ATP2C2: variants seen among roughly 807,000 people sequenced by gnomAD.
The protein encoded by ATP2C2 is calcium-transporting ATPase type 2C member 2.
Under a neutral mutation model 110.8 loss-of-function variants are expected in ATP2C2, and 171 were observed. The observed-to-expected ratio is 1.54, with a 90% CI of 1.36 to 1.75. The LOEUF is 1.75. ATP2C2 is among the 40% of genes most tolerant of loss of function. The probability of loss-of-function intolerance (pLI) is 0.00; values close to 1 mark genes in which losing one functional copy is unlikely to be tolerated. For synonymous variants in ATP2C2, 804 were observed against 508.4 expected (o/e 1.58, Z -7.82); for missense variants, 1,963 against 1,235.0 (o/e 1.59, Z -8.84).
intron 21 of ATP2C2, among the ~76,000 whole-genome samples, chr16:84,458,603 G>T (rs1464794442): frequency 6.6e-6 from 1 of 152,098 alleles, no homozygotes; most frequent in African/African-American, 2.4e-5. Context: ...GTGCGTAATT[G>T]TTTTTCTACA....
chr16:84,434,175 T>C (rs1908536094), intron 11 of ATP2C2, among the ~76,000 whole-genome samples: 1 of 152,046 alleles, frequency 6.6e-6, no homozygotes, highest in Admixed American at 6.5e-5. Flanking sequence ...CCCAGCACTT[T>C]GGGAGGCCGA....
intron 1 of ATP2C2, among the ~76,000 whole-genome samples, chr16:84,380,890 A>T (rs1479286412): frequency 6.6e-6 from 1 of 152,202 alleles, no homozygotes; most frequent in South Asian, 2.1e-4. Flanking sequence ...TTATTATTAT[A>T]CAACTACAGG....
chr16:84,431,315 G>A (rs1908256309), intron 11 of ATP2C2, among the ~76,000 whole-genome samples: 1 of 152,056 alleles, frequency 6.6e-6, no homozygotes, highest in Non-Finnish European at 1.5e-5. Flanking sequence ...CCTGGCCAAT[G>A]TGGTGTTGCA....
intron 14 of ATP2C2, among the ~76,000 whole-genome samples, chr16:84,441,646 C>T (rs752448351): frequency 6.6e-6 from 1 of 152,194 alleles, no homozygotes; most frequent in Non-Finnish European, 1.5e-5. Context: ...TATGACCAGG[C>T]GTGGTGGCTC....
chr16:84,397,512 A>G lies in ATP2C2; in HGVS notation c.100-987A>G, dbSNP rs894482181. On this transcript the variant is annotated intron_variant, in intron 1 of 26. Transcript: ENST00000262429. ...CAACATAGGGAGACCCTGTCCCTACAAAATATTAAAAAATTAGCCAGGCAC... is the reference window on the plus strand; with the variant it reads ...CAACATAGGGAGACCCTGTCCCTACGAAATATTAAAAAATTAGCCAGGCAC... 2.6e-5 allele frequency among the ~76,000 whole-genome samples: 4 copies of G among 151,504 alleles called. No individual in the cohort carries two copies. The East Asian group carries it at 7.7e-4, about 29-fold the overall frequency.
At chr16:84,423,529 T>A (rs946984003) in intron 10 of ATP2C2, among the ~76,000 whole-genome samples, 7 of 152,228 alleles carry the variant, frequency 4.6e-5, no homozygotes. Flanking sequence ...TCCGTGGGTG[T>A]ATTCCTGGTC....
intron 20 of ATP2C2, among the ~76,000 whole-genome samples, chr16:84,454,106 G>A (rs1334581018): frequency 6.6e-6 from 1 of 152,166 alleles, no homozygotes; most frequent in Non-Finnish European, 1.5e-5. Flanking sequence ...CTCCCAAAGT[G>A]CTGGGTGCTT....
intron 2 of ATP2C2, 88 bp from the exon 3 acceptor site, chr16:84,405,040 C>T (rs757348523): frequency 6.3e-6 from 7 of 1,113,372 alleles, no homozygotes; most frequent in East Asian, 2.3e-5. Flanking sequence ...TCATGGAAGC[C>T]GCTGCCTTTC....
intron 7 of ATP2C2, among the ~76,000 whole-genome samples, chr16:84,418,745 G>T (rs76265602): frequency 2.6e-5 from 4 of 152,198 alleles, no homozygotes; most frequent in African/African-American, 9.7e-5. Flanking sequence ...GTGAGCAGCT[G>T]TTCAGACTCT....
At chr16:84,449,589 T>A (rs540794116) in intron 17 of ATP2C2, among the ~76,000 whole-genome samples, 1 of 152,286 alleles carries the variant, frequency 6.6e-6, no homozygotes, top group East Asian at 1.9e-4. Flanking sequence ...GCCTTGACTC[T>A]GTTTCGGTGG....
intron 13 of ATP2C2, among the ~76,000 whole-genome samples, chr16:84,439,937 C>T (rs988628556): frequency 2.0e-5 from 3 of 152,174 alleles, no homozygotes; most frequent in Non-Finnish European, 4.4e-5. Flanking sequence ...CGGGTTCAAG[C>T]GACTCTCCTG....
intron 7 of ATP2C2, among the ~76,000 whole-genome samples, chr16:84,421,850 G>C (rs1250282609): frequency 6.6e-6 from 1 of 152,214 alleles, no homozygotes; most frequent in African/African-American, 2.4e-5. Flanking sequence ...GCTAAGCCTT[G>C]TGGGGAGCTG....
chr16:84,462,292 C>T, intron 26 of ATP2C2, 163 bp downstream of exon 26: 2 of 890,710 alleles, frequency 2.2e-6, no homozygotes, highest in Non-Finnish European at 3.4e-6. Context: ...CAGGAAGGGA[C>T]TCTAACGTGG....
At chr16:84,394,022 A>G (rs953347441) in intron 1 of ATP2C2, among the ~76,000 whole-genome samples, 5 of 150,966 alleles carry the variant, frequency 3.3e-5, no homozygotes, top group Non-Finnish European at 5.9e-5. Flanking sequence ...AAAAAAATAA[A>G]AAATAAAAAG....
At chr16:84,423,338 G>C (rs770168440) in intron 10 of ATP2C2, 75 bp downstream of exon 10, 1 of 1,390,012 alleles carries the variant, frequency 7.2e-7, no homozygotes, top group Non-Finnish European at 1.0e-6. Flanking sequence ...TGCCATGGCC[G>C]TTTCTCAAAT....
At chr16:84,447,502 C>T (rs1056867683) in intron 16 of ATP2C2, among the ~76,000 whole-genome samples, 14 of 151,466 alleles carry the variant, frequency 9.2e-5, no homozygotes, top group South Asian at 4.1e-4. Flanking sequence ...AATATGCAAA[C>T]GACAACATCT....
intron 1 of ATP2C2, among the ~76,000 whole-genome samples, chr16:84,375,881 G>C (rs1045399225): frequency 6.6e-6 from 1 of 152,054 alleles, no homozygotes; most frequent in African/African-American, 2.4e-5. Flanking sequence ...GAAAAATAAA[G>C]AGGAAGTCTG....
chr16:84,450,775 G>C (rs1910185443), intron 17 of ATP2C2, among the ~76,000 whole-genome samples: 1 of 152,106 alleles, frequency 6.6e-6, no homozygotes, highest in Non-Finnish European at 1.5e-5. Context: ...CCCAGGGCAA[G>C]CTCACAGCAA....
chr16:84,454,829 G>T lies in ATP2C2; in HGVS notation c.1992G>T (p.Glu664Asp). The change falls in exon 21 of 27, where the codon GAG becomes GAT. Residue 664 changes from glutamate (E) to aspartate (D), a missense_variant. Transcript: ENST00000262429. ...HKLKIIKALQ[E>D]SGAIVAMTGD... Reference sequence around the variant, plus strand: ...TGCTCTTTCCAAAGGCTCTGCAGGAGTCAGGGGCGATCGTGGCCATGACTG... The same window carrying T: ...TGCTCTTTCCAAAGGCTCTGCAGGATTCAGGGGCGATCGTGGCCATGACTG... 2 of 1,610,048 alleles carry T rather than the reference G, an allele frequency of 1.2e-6. No individual in the cohort carries two copies. Among genetic ancestry groups the T allele is most frequent in the Non-Finnish European group, 1.7e-6 (2 of 1,178,294 alleles).
Sources: allele counts gnomAD v4.1 joint callset (sites outside exome capture counted in the v4.1 genomes callset), GRCh38; gene constraint gnomAD v4.1.1; transcripts MANE v1.5; gene names NCBI Gene and HGNC (gene_info 2026-07-23, HGNC 2026-07-21).